The following LRRC8D variants were observed in gnomAD, a reference collection of about 807,000 sequenced individuals.
LRRC8D encodes leucine rich repeat containing 8 VRAC subunit D.
LRRC8D carries 20 observed loss-of-function variants against 55.8 expected under a neutral mutation model. The ratio of observed to expected loss-of-function variants is 0.36; its 90% confidence interval spans 0.25 to 0.52. The LOEUF is 0.52. Among genes scored for constraint, LRRC8D ranks in the 20% least tolerant of loss-of-function variants. The pLI, the probability that LRRC8D is intolerant of heterozygous loss-of-function variation, is 0.93. For synonymous variants in LRRC8D, 352 were observed against 377.0 expected, an observed-to-expected ratio of 0.93 and a Z score of 0.77; for missense variants, 651 against 1,030.8, an observed-to-expected ratio of 0.63 and a Z score of 5.05.
intron 1 of LRRC8D, among the ~76,000 whole-genome samples, chr1:89,838,625 A>C (rs1661060251): frequency 1.3e-5 from 2 of 152,182 alleles, no homozygotes. Flanking sequence ...ATTTGCATTT[A>C]GTCAGAATTT....
chr1:89,856,348 A>T (rs1343309897), intron 2 of LRRC8D, among the ~76,000 whole-genome samples: 1 of 151,974 alleles, frequency 6.6e-6, no homozygotes, highest in South Asian at 2.1e-4. Flanking sequence ...ACACACACAC[A>T]CTCTCAGGTA....
chr1:89,848,398 G>A (rs1405642930), intron 2 of LRRC8D, among the ~76,000 whole-genome samples: 1 of 152,126 alleles, frequency 6.6e-6, no homozygotes, highest in Non-Finnish European at 1.5e-5. Flanking sequence ...TAAGGAAAGG[G>A]AGATAGGATT....
At position 89,896,965 on chromosome 1, in the gene LRRC8D, GGT is replaced by G. The variant is rs149533123; in HGVS notation, c.-2-36098_-2-36097del. Among the ~76,000 whole-genome samples, 1,155 of 152,316 alleles carry G rather than the reference GGT, an allele frequency of 7.6e-3. 10 individuals are homozygous for G. The highest frequency in any genetic ancestry group is 0.027 in the African/African-American group (1,110 of 41,568). On this transcript the variant is annotated intron_variant, in intron 2 of 2. Transcript: ENST00000337338. ...ATTGTCATAATAATCCCTTTGGAAA[GGT>G]GTGGTGGTTCAGTTTTTGCAGATGG...
At chr1:89,923,943 G>A (rs898592395) in intron 2 of LRRC8D, among the ~76,000 whole-genome samples, 1 of 152,132 alleles carries the variant, frequency 6.6e-6, no homozygotes, top group African/African-American at 2.4e-5. Flanking sequence ...ATGGATTAAA[G>A]GACTTAAAGG....
chr1:89,859,258 CTTT>C (rs76449111), intron 2 of LRRC8D, among the ~76,000 whole-genome samples: 8 of 140,462 alleles, frequency 5.7e-5, no homozygotes, highest in African/African-American at 2.1e-4. Flanking sequence ...TAATTTGACT[CTTT>C]TTTTTTTTTT....
Position 89,935,704 on chromosome 1 carries a change from A to G in LRRC8D, c.*59A>G. On this transcript the variant is annotated 3_prime_UTR_variant, in exon 3 of 3. Transcript: ENST00000337338. ...ACAACTTCCTAGATTGCAAGTGCTC[A>G]CGTACAAGTTATTACAAGATAATGC... 6.8e-7 allele frequency: 1 copy of G among 1,475,308 alleles called. No homozygotes were observed. The highest frequency in any genetic ancestry group is 9.3e-7 in the Non-Finnish European group (1 of 1,069,842). The allele number at this position is 1,475,308 out of a possible 1,614,324, so 91.4% of individuals were successfully genotyped here. A position where few individuals can be genotyped will look rare whatever the true frequency, so the allele number is the denominator to read the frequency against.
At chr1:89,882,724 T>C (rs186268516) in intron 2 of LRRC8D, among the ~76,000 whole-genome samples, 17 of 152,342 alleles carry the variant, frequency 1.1e-4, no homozygotes, top group African/African-American at 3.8e-4. Context: ...GATAAATAAC[T>C]GTGTATTGCA....
intron 2 of LRRC8D, among the ~76,000 whole-genome samples, chr1:89,885,356 A>G (rs929148019): frequency 1.3e-5 from 2 of 152,228 alleles, no homozygotes; most frequent in East Asian, 3.8e-4. Context: ...GGATGCATGT[A>G]TTATGAGTCA....
chr1:89,909,945 C>T (rs934623627), intron 2 of LRRC8D, among the ~76,000 whole-genome samples: 1 of 151,872 alleles, frequency 6.6e-6, no homozygotes, highest in Non-Finnish European at 1.5e-5. Context: ...ATTTAAGTCC[C>T]TTAGCCCCTC....
In LRRC8D at chr1:89,913,950, G is replaced by A. The variant is rs566160335; in HGVS notation, c.-2-19117G>A. On this transcript the variant is annotated intron_variant, in intron 2 of 2. Coordinates refer to ENST00000337338, the MANE Select transcript of LRRC8D (RefSeq NM_001134479.2). Reference sequence around the variant, plus strand: ...AGCTGTTTCCTGCTTTATGCAGTACGGATACTGTCATGTTGTACATATATT... The same window carrying A: ...AGCTGTTTCCTGCTTTATGCAGTACAGATACTGTCATGTTGTACATATATT... Among the ~76,000 whole-genome samples, 3 of 152,292 alleles carry A rather than the reference G, an allele frequency of 2.0e-5. No homozygotes were observed. In the South Asian group the frequency reaches 6.2e-4, roughly 32 times the overall value.
intron 2 of LRRC8D, among the ~76,000 whole-genome samples, chr1:89,871,508 G>T (rs1662006632): frequency 6.6e-6 from 1 of 152,090 alleles, no homozygotes; most frequent in Non-Finnish European, 1.5e-5. Context: ...AAGTATATTT[G>T]AACAGAATAT....
intron 2 of LRRC8D, among the ~76,000 whole-genome samples, chr1:89,918,948 A>G (rs1487641185): frequency 6.6e-6 from 1 of 152,192 alleles, no homozygotes; most frequent in Admixed American, 6.5e-5. Flanking sequence ...CTGTTAACAA[A>G]TCTTTATTAA....
chr1:89,843,556 C>T (rs1302079063), intron 1 of LRRC8D, 82 bp from the exon 2 acceptor site: 4 of 686,994 alleles, frequency 5.8e-6, no homozygotes, highest in Non-Finnish European at 8.0e-6. Context: ...GGTCTTGCCT[C>T]CCCGCCGCCC....
At chr1:89,922,487 C>A (rs1269557038) in intron 2 of LRRC8D, among the ~76,000 whole-genome samples, 3 of 152,184 alleles carry the variant, frequency 2.0e-5, no homozygotes, top group Admixed American at 2.0e-4. Flanking sequence ...CAAAATTCAA[C>A]GAATTGGTCT....
At chr1:89,869,519 A>G (rs1661941809) in intron 2 of LRRC8D, among the ~76,000 whole-genome samples, 2 of 152,238 alleles carry the variant, frequency 1.3e-5, no homozygotes, top group African/African-American at 4.8e-5. Context: ...AATGGAACCA[A>G]GTTGGAAGAT....
In LRRC8D at chr1:89,935,383, T is replaced by G. The variant is rs1172324902; in HGVS notation, c.2315T>G (p.Phe772Cys). Residue 772 changes from phenylalanine (F) to cysteine (C), a missense_variant, in exon 3 of 3, where the codon TTT (phenylalanine) becomes TGT (cysteine). Around this residue, in one of 5 missense-constraint regions of LRRC8D, gnomAD observed 338 missense variants for 479.4 expected, o/e 0.71. Transcript: ENST00000337338. ...NKVDILPKQL[F>C]KCIKLRTLNL... is the part of the protein sequence containing the mutation. Reference sequence around the variant, plus strand: ...GTGGACATTCTGCCAAAACAATTGTTTAAATGCATAAAGTTGAGGACTTTG... The same window carrying G: ...GTGGACATTCTGCCAAAACAATTGTGTAAATGCATAAAGTTGAGGACTTTG... 1 of 1,614,208 alleles carries G rather than the reference T, an allele frequency of 6.2e-7. No homozygotes were observed. The highest frequency in any genetic ancestry group is 1.3e-5 in the African/African-American group (1 of 75,048).
At chr1:89,905,811 C>T (rs765778140) in intron 2 of LRRC8D, among the ~76,000 whole-genome samples, 11 of 152,010 alleles carry the variant, frequency 7.2e-5, no homozygotes, top group Non-Finnish European at 1.6e-4. Flanking sequence ...TCAAAGAGGA[C>T]GAAGAGGAGG....
At chr1:89,883,934 C>A (rs1662344046) in intron 2 of LRRC8D, among the ~76,000 whole-genome samples, 2 of 152,198 alleles carry the variant, frequency 1.3e-5, no homozygotes, top group South Asian at 2.1e-4. Context: ...ACACCCACTG[C>A]CAGCATCCAA....
rs147514186 is a variant in LRRC8D, at chr1:89,933,357, G to A, written c.289G>A (p.Asp97Asn). Residue 97 changes from aspartate (D) to asparagine (N), a missense_variant, in exon 3 of 3, where the codon GAC becomes AAC. Physicochemically the swap from Asp to Asn is conservative, Grantham distance 23. Transcript: ENST00000337338. The surrounding 1 kb of genome is among the most constrained non-coding windows in gnomAD (Gnocchi z 7.0). ...AGACCAAGATGGGCGGACAACAAAC[G>A]ACATTTCCTTTGGGACATCTGCTGT... ...NQDQDGRTTN[D>N]ISFGTSAVTP... The A allele has an allele frequency of 3.5e-5, 56 of 1,613,968 alleles. No homozygotes were observed. The highest frequency in any genetic ancestry group is 4.7e-5 in the Non-Finnish European group (56 of 1,180,030).
Sources: gnomAD v4.1 joint callset for allele counts (sites outside exome capture counted in the v4.1 genomes callset) on GRCh38, gnomAD v4.1.1 for gene constraint, gnomAD v4.1.1 regional missense constraint, Gnocchi (gnomAD v3.1) non-coding constraint, MANE v1.5 for transcripts, NCBI Gene and HGNC (gene_info 2026-07-23, HGNC 2026-07-21) for gene names.